FGF1: variants seen among roughly 807,000 people sequenced by gnomAD.
FGF1 encodes the protein fibroblast growth factor 1, also known as beta-endothelial cell growth factor.
FGF1 carries 9 observed loss-of-function variants against 13.4 expected under a neutral mutation model. The observed-to-expected ratio is 0.67, with a 90% CI of 0.40 to 1.17. The LOEUF (loss-of-function observed/expected upper bound fraction) is 1.17, where lower values mean the gene tolerates loss of function less well. FGF1 is among the 50% of genes most tolerant of loss of function. The probability of loss-of-function intolerance (pLI) is 0.01; values close to 1 mark genes in which losing one functional copy is unlikely to be tolerated. For synonymous variants in FGF1, 93 were observed against 79.0 expected (o/e 1.18, Z -0.94); for missense variants, 156 against 192.7 (o/e 0.81, Z 1.13).
intron 1 of FGF1, among the ~76,000 whole-genome samples, chr5:142,677,284 T>C (rs569077666): frequency 6.6e-6 from 1 of 152,176 alleles, no homozygotes; most frequent in Non-Finnish European, 1.5e-5. Flanking sequence ...ATCAGACTGA[T>C]GGGGAAGGCA....
intron 1 of FGF1, among the ~76,000 whole-genome samples, chr5:142,641,076 G>A (rs558972049): frequency 3.7e-4 from 56 of 152,134 alleles, no homozygotes; most frequent in East Asian, 1.5e-3. Context: ...TAATTTGGGC[G>A]TATAGAGATC....
intron 2 of FGF1, among the ~76,000 whole-genome samples, chr5:142,612,360 T>C (rs957940883): frequency 1.3e-5 from 2 of 152,226 alleles, no homozygotes; most frequent in Non-Finnish European, 2.9e-5. Flanking sequence ...CCAGAAGAGC[T>C]AGCTTAACCC....
chr5:142,696,321 C>T (rs1459417182), intron 2 of FGF1, among the ~76,000 whole-genome samples: 4 of 152,182 alleles, frequency 2.6e-5, no homozygotes, highest in South Asian at 4.1e-4. Context: ...CCATTGACTT[C>T]GGCCACCCTG....
At chr5:142,655,183 A>T (rs1597346667) in intron 1 of FGF1, among the ~76,000 whole-genome samples, 1 of 152,332 alleles carries the variant, frequency 6.6e-6, no homozygotes, top group East Asian at 1.9e-4. Flanking sequence ...GCAGCACAGG[A>T]TAGATTAACT....
intron 1 of FGF1, among the ~76,000 whole-genome samples, chr5:142,638,982 G>C (rs1764726035): frequency 6.6e-6 from 1 of 151,972 alleles, no homozygotes; most frequent in South Asian, 2.1e-4. Context: ...ACCACCTCAT[G>C]CATGTTAGAA....
chr5:142,612,895 C>G (rs1428569798), intron 2 of FGF1, among the ~76,000 whole-genome samples: 1 of 152,202 alleles, frequency 6.6e-6, no homozygotes, highest in Non-Finnish European at 1.5e-5. Context: ...GTTCTTAGAG[C>G]CTGCAACCTC....
chr5:142,692,102 A>G (rs1367429268), intron 2 of FGF1, among the ~76,000 whole-genome samples: 1 of 152,212 alleles, frequency 6.6e-6, no homozygotes, highest in African/African-American at 2.4e-5. Context: ...AGGCTGAAGC[A>G]GGCAGATTGC....
intron 1 of FGF1, among the ~76,000 whole-genome samples, chr5:142,667,364 G>C (rs1348619081): frequency 6.6e-6 from 1 of 151,150 alleles, no homozygotes. Context: ...AGGTGGGCGG[G>C]TCATGAGGTC....
intron 1 of FGF1, among the ~76,000 whole-genome samples, chr5:142,655,402 G>A (rs1049777715): frequency 3.3e-5 from 5 of 152,130 alleles, no homozygotes; most frequent in Non-Finnish European, 5.9e-5. Flanking sequence ...ATGAATACAA[G>A]AACTATGAGG....
intron 1 of FGF1, among the ~76,000 whole-genome samples, chr5:142,673,075 G>A (rs553688782): frequency 6.6e-6 from 1 of 152,306 alleles, no homozygotes; most frequent in East Asian, 1.9e-4. Flanking sequence ...CAGAATCTCT[G>A]CATTGTGGTA....
intron 2 of FGF1, among the ~76,000 whole-genome samples, chr5:142,612,851 G>A (rs1224829812): frequency 6.6e-6 from 1 of 152,160 alleles, no homozygotes; most frequent in Admixed American, 6.5e-5. Flanking sequence ...GTGCATCTGA[G>A]GGTACAGCGT....
At chr5:142,608,673 C>T (rs1758356741) in intron 2 of FGF1, among the ~76,000 whole-genome samples, 1 of 142,598 alleles carries the variant, frequency 7.0e-6, no homozygotes, top group Admixed American at 7.2e-5. Flanking sequence ...AAAAAGTTGT[C>T]TGGAAAATTT....
chr5:142,647,686 A>C (rs1021428164), intron 1 of FGF1, among the ~76,000 whole-genome samples: 1 of 152,228 alleles, frequency 6.6e-6, no homozygotes, highest in African/African-American at 2.4e-5. Context: ...TAATAATTTT[A>C]TGCATGAAAC....
chr5:142,695,886 A>T (rs1487030496), intron 2 of FGF1, among the ~76,000 whole-genome samples: 1 of 152,206 alleles, frequency 6.6e-6, no homozygotes, highest in Non-Finnish European at 1.5e-5. Flanking sequence ...GAGAGGGGAG[A>T]CAGCAGGAAA....
intron 3 of FGF1, among the ~76,000 whole-genome samples, chr5:142,597,535 A>T (rs969511449): frequency 6.6e-6 from 1 of 152,232 alleles, no homozygotes; most frequent in East Asian, 1.9e-4. Context: ...AGGGGAACTC[A>T]GTTTTTGAAC....
At chr5:142,636,261 C>T (rs996828713) in intron 1 of FGF1, among the ~76,000 whole-genome samples, 56 of 152,228 alleles carry the variant, frequency 3.7e-4, no homozygotes, top group African/African-American at 1.3e-3. Context: ...CCAGCTTTCT[C>T]TGAACTGAGC....
chr5:142,655,462 T>G (rs1055414978), intron 1 of FGF1, among the ~76,000 whole-genome samples: 3 of 152,182 alleles, frequency 2.0e-5, no homozygotes, highest in Non-Finnish European at 4.4e-5. Context: ...AACGTCAATC[T>G]CAGCCATACT....
At chr5:142,608,280 G>C (rs1758134233) in intron 2 of FGF1, among the ~76,000 whole-genome samples, 1 of 152,118 alleles carries the variant, frequency 6.6e-6, no homozygotes, top group Non-Finnish European at 1.5e-5. Flanking sequence ...GAGGCCAAGA[G>C]AGATTATGTG....
intron 1 of FGF1, among the ~76,000 whole-genome samples, chr5:142,656,460 A>T (rs1009904854): frequency 1.3e-5 from 2 of 152,218 alleles, no homozygotes; most frequent in African/African-American, 4.8e-5. Context: ...ATAAGGGAAG[A>T]GCAGACCAAT....
Sources: allele counts gnomAD v4.1 joint callset (sites outside exome capture counted in the v4.1 genomes callset), GRCh38; gene constraint gnomAD v4.1.1; transcripts MANE v1.5; gene names NCBI Gene and HGNC (gene_info 2026-07-23, HGNC 2026-07-21).